Variants in GMDS observed in about 807,000 individuals in gnomAD.
GMDS encodes the protein GDP-mannose 4,6 dehydratase.
GMDS carries 20 observed loss-of-function variants against 49.9 expected under a neutral mutation model. The observed-to-expected ratio is 0.40, with a 90% CI of 0.28 to 0.58. The LOEUF is 0.58. GMDS is among the 20% of genes least tolerant of loss of function. The pLI, the probability that GMDS is intolerant of heterozygous loss-of-function variation, is 0.42. For missense variants in GMDS, 362 were observed against 481.4 expected, an observed-to-expected ratio of 0.75 and a Z score of 2.32; for synonymous variants, 177 against 178.6, an observed-to-expected ratio of 0.99 and a Z score of 0.07.
At chr6:1,843,960 G>A (rs1757267438) in intron 7 of GMDS, among the ~76,000 whole-genome samples, 1 of 152,102 alleles carries the variant, frequency 6.6e-6, no homozygotes, top group African/African-American at 2.4e-5. Context: ...TCGGCTTGTC[G>A]GCAAGAGACT....
chr6:1,856,772 A>T (rs1017989590), intron 7 of GMDS, among the ~76,000 whole-genome samples: 2 of 152,344 alleles, frequency 1.3e-5, no homozygotes, highest in Admixed American at 1.3e-4. Flanking sequence ...ATTCCATCCT[A>T]GACATCTTAC....
At chr6:2,066,275 C>G (rs1166134987) in intron 4 of GMDS, among the ~76,000 whole-genome samples, 1 of 149,956 alleles carries the variant, frequency 6.7e-6, no homozygotes, top group Non-Finnish European at 1.5e-5. Context: ...AAGCGCTAAA[C>G]ATGGAAAGGA....
At chr6:1,637,858 C>T (rs896878671) in intron 9 of GMDS, among the ~76,000 whole-genome samples, 4 of 152,334 alleles carry the variant, frequency 2.6e-5, no homozygotes, top group African/African-American at 4.8e-5. Context: ...GGCAAGGAAA[C>T]GGCGGTGCTG....
At chr6:1,783,988 AC>A (rs1199513743) in intron 7 of GMDS, among the ~76,000 whole-genome samples, 2 of 152,162 alleles carry the variant, frequency 1.3e-5, no homozygotes. Context: ...GCCTAAAAAA[AC>A]CCCAAACCAT....
intron 9 of GMDS, among the ~76,000 whole-genome samples, chr6:1,628,708 A>G (rs1182452577): frequency 1.3e-5 from 2 of 152,236 alleles, no homozygotes; most frequent in Admixed American, 6.5e-5. Context: ...TCTAATGTAC[A>G]TCTTGGAAGA....
chr6:2,141,359 A>C (rs908454002), intron 1 of GMDS, among the ~76,000 whole-genome samples: 1 of 152,250 alleles, frequency 6.6e-6, no homozygotes. Flanking sequence ...TTCATGACCT[A>C]AACTGGACAC....
intron 1 of GMDS, among the ~76,000 whole-genome samples, chr6:2,144,228 C>T (rs542276416): frequency 4.6e-5 from 7 of 152,246 alleles, no homozygotes; most frequent in East Asian, 1.9e-4. Flanking sequence ...ACAAACCATA[C>T]GTTCTATGCT....
At chr6:2,070,966 C>T (rs1771955443) in intron 4 of GMDS, among the ~76,000 whole-genome samples, 1 of 152,142 alleles carries the variant, frequency 6.6e-6, no homozygotes, top group African/African-American at 2.4e-5. Context: ...GATATTTCCT[C>T]ACTCTTGTCT....
Position 1,921,075 on chromosome 6 carries a change from T to A in GMDS, c.771+9028A>T, listed in dbSNP as rs547033309. On this transcript the variant is annotated intron_variant, in intron 7 of 10. Coordinates refer to ENST00000380815, the MANE Select transcript of GMDS (RefSeq NM_001500.4). ...GTGGTTAATTGCTACCCATTAGAAC[T>A]TAAGCAGCACTTACATGAAGTTTCA... 9.4e-4 allele frequency among the ~76,000 whole-genome samples: 143 copies of A among 152,318 alleles called. 2 individuals are homozygous for A. The highest frequency in any genetic ancestry group is 3.2e-3 in the African/African-American group (135 of 41,576).
chr6:1,831,440 A>G (rs1756636895), intron 7 of GMDS, among the ~76,000 whole-genome samples: 1 of 152,238 alleles, frequency 6.6e-6, no homozygotes, highest in Admixed American at 6.5e-5. Context: ...ACAGATGCCA[A>G]TTTTAAGTAT....
At position 1,668,186 on chromosome 6, in the gene GMDS, T is replaced by C. The variant is rs1466818779; in HGVS notation, c.988-43646A>G. 2.6e-5 allele frequency among the ~76,000 whole-genome samples: 4 copies of C among 152,246 alleles called. No homozygotes were observed. In the South Asian group the frequency reaches 8.3e-4, roughly 32 times the overall value. On this transcript the variant is annotated intron_variant, in intron 9 of 10. Transcript: ENST00000380815. ...TTAGAGGTGTTTACTTTTTTCTTTT[T>C]TTGCTTTGTATAAAAAGTTTATTCA...
chr6:1,968,656 G>A (rs1764402071), intron 4 of GMDS, among the ~76,000 whole-genome samples: 1 of 152,134 alleles, frequency 6.6e-6, no homozygotes, highest in Admixed American at 6.5e-5. Context: ...GTCATCAGGA[G>A]TCTAGTGTGA....
rs1044402276 is a variant in GMDS, at chr6:2,199,930, A to G, written c.102+45391T>C. 1.5e-4 allele frequency among the ~76,000 whole-genome samples: 23 copies of G among 152,246 alleles called. 1 individual carries two copies. The highest frequency in any genetic ancestry group is 1.0e-4 in the Non-Finnish European group (7 of 68,042). On this transcript the variant is annotated intron_variant, in intron 1 of 10. Transcript: ENST00000380815. ...TAAGGATTTCTAAAAGATAAAGCCT[A>G]CAAACCTAAGCTATATATGGTAAAT... is the stretch of plus-strand genomic sequence containing the variant.
chr6:1,887,502 C>T (rs1759666173), intron 7 of GMDS, among the ~76,000 whole-genome samples: 1 of 152,152 alleles, frequency 6.6e-6, no homozygotes. Context: ...TGAGGTACCA[C>T]GTGTTTATAA....
intron 1 of GMDS, among the ~76,000 whole-genome samples, chr6:2,217,786 A>G (rs550249772): frequency 3.3e-5 from 5 of 152,274 alleles, no homozygotes; most frequent in African/African-American, 1.2e-4. Context: ...TTCCCCTCCA[A>G]GCCTCCCAGT....
At chr6:1,733,343 G>A (rs888975360) in intron 8 of GMDS, among the ~76,000 whole-genome samples, 2 of 152,328 alleles carry the variant, frequency 1.3e-5, no homozygotes, top group African/African-American at 4.8e-5. Flanking sequence ...GCAGGGCCCT[G>A]GGCACATCAG....
intron 4 of GMDS, among the ~76,000 whole-genome samples, chr6:2,106,868 AAG>A (rs1368876582): frequency 3.3e-5 from 5 of 151,596 alleles, no homozygotes; most frequent in African/African-American, 1.2e-4. Context: ...GTCTCAAAAA[AAG>A]AAAAAAAAAA....
intron 1 of GMDS, among the ~76,000 whole-genome samples, chr6:2,146,381 G>C (rs1776559910): frequency 6.6e-6 from 1 of 152,186 alleles, no homozygotes; most frequent in Non-Finnish European, 1.5e-5. Flanking sequence ...AACAGTTACA[G>C]GGCAAGAGGA....
chr6:1,765,993 G>A (rs144849963), intron 7 of GMDS, among the ~76,000 whole-genome samples: 4 of 152,148 alleles, frequency 2.6e-5, no homozygotes, highest in Non-Finnish European at 4.4e-5. Flanking sequence ...TTCGAAACAT[G>A]CCTGGTGCCT....
Sources: gnomAD v4.1 joint callset for allele counts (sites outside exome capture counted in the v4.1 genomes callset) on GRCh38, gnomAD v4.1.1 for gene constraint, MANE v1.5 for transcripts, NCBI Gene and HGNC (gene_info 2026-07-23, HGNC 2026-07-21) for gene names.